The following MAS1 variants were observed in gnomAD, a reference collection of about 807,000 sequenced individuals.
MAS1 encodes the protein MAS1 proto-oncogene, G protein-coupled receptor, also known as proto-oncogene Mas.
For synonymous variants in MAS1, 163 were observed against 164.2 expected, an observed-to-expected ratio of 0.99 and a Z score of 0.05; for missense variants, 387 against 409.7, an observed-to-expected ratio of 0.94 and a Z score of 0.48.
chr6:159,895,582 ACAAT>A (rs1782746382), intron 1 of MAS1, among the ~76,000 whole-genome samples: 1 of 152,248 alleles, frequency 6.6e-6, no homozygotes, highest in African/African-American at 2.4e-5. Flanking sequence ...GTATGAAAAA[ACAAT>A]CCATCAAAAA....
rs369310126 is a variant in MAS1, at chr6:159,916,695, C to A, written c.*8762C>A. On this transcript the variant is annotated 3_prime_UTR_variant, in exon 3 of 3. Coordinates refer to ENST00000674077, the MANE Select transcript of MAS1 (RefSeq NM_002377.4). ...CTGTTGCCAGTGAGAGGCAAAGACA[C>A]GAGGCCAATTCAACAACCCACCTCA... Among the ~76,000 whole-genome samples the A allele has an allele frequency of 2.0e-5, 3 of 152,144 alleles. No individual in the cohort carries two copies. Among genetic ancestry groups the A allele is most frequent in the Non-Finnish European group, 4.4e-5 (3 of 68,024 alleles).
chr6:159,916,846 G>A lies in MAS1; in HGVS notation c.*8913G>A, dbSNP rs1177079915. Among the ~76,000 whole-genome samples the A allele has an allele frequency of 6.6e-6, 1 of 152,258 alleles. No homozygotes were observed. The highest frequency in any genetic ancestry group is 1.5e-5 in the Non-Finnish European group (1 of 68,040). On this transcript the variant is annotated 3_prime_UTR_variant, in exon 3 of 3. Coordinates refer to ENST00000674077, the MANE Select transcript of MAS1 (RefSeq NM_002377.4). ...GTGCTGCAATGACAACTCTGTGGGT[G>A]TGTGAAAGCAGACACTGCTTAGATG...
At chr6:159,895,634 C>T (rs1782747011) in intron 1 of MAS1, among the ~76,000 whole-genome samples, 1 of 152,180 alleles carries the variant, frequency 6.6e-6, no homozygotes, top group African/African-American at 2.4e-5. Context: ...TGTCCAACCT[C>T]ATTAGGAATC....
chr6:159,896,241 G>T (rs2115108907), intron 1 of MAS1, among the ~76,000 whole-genome samples: 1 of 152,306 alleles, frequency 6.6e-6, no homozygotes, highest in African/African-American at 2.4e-5. Flanking sequence ...GCTGCAGTGA[G>T]CTGTGATCTC....
intron 2 of MAS1, among the ~76,000 whole-genome samples, chr6:159,902,773 C>T (rs895319283): frequency 2.0e-5 from 3 of 152,166 alleles, no homozygotes; most frequent in African/African-American, 7.2e-5. Context: ...GCCACTGTAT[C>T]GCCTCCCACC....
rs1236818613 is a variant in MAS1 at position 159,909,256 on chromosome 6, G to A, written c.*1323G>A. The A allele has an allele frequency of 6.6e-6, 1 of 152,140 alleles. No homozygotes were observed. Among genetic ancestry groups the A allele is most frequent in the Non-Finnish European group, 1.5e-5 (1 of 68,036 alleles). The allele number at this position is 152,140 out of a possible 1,614,324, so 9.4% of individuals were successfully genotyped here. A position where few individuals can be genotyped will look rare whatever the true frequency, so the allele number is the denominator to read the frequency against. The stretch of plus-strand genomic sequence containing the variant: ...TAGGAGTTCCACAAAAGGGCAATAT[G>A]TCACATGATTCTACAGGTTGTAAAA... On this transcript the variant is annotated 3_prime_UTR_variant, in exon 3 of 3. Coordinates refer to ENST00000674077, the MANE Select transcript of MAS1 (RefSeq NM_002377.4).
At chr6:159,890,696 T>C (rs1387656123), upstream of MAS1, among the ~76,000 whole-genome samples, 2 of 152,214 alleles carry the variant, frequency 1.3e-5, no homozygotes, top group Non-Finnish European at 2.9e-5. Flanking sequence ...CATAACTTAT[T>C]AGAAACTGAG....
chr6:159,895,141 C>T (rs1479932390), intron 1 of MAS1, among the ~76,000 whole-genome samples: 1 of 152,198 alleles, frequency 6.6e-6, no homozygotes, highest in Non-Finnish European at 1.5e-5. Flanking sequence ...GGTGTGTGAA[C>T]TTCACACATA....
At chr6:159,902,826 A>G (rs220728) in intron 2 of MAS1, among the ~76,000 whole-genome samples, 59,542 of 151,746 alleles carry the variant, frequency 0.39, 12,408 homozygotes, top group East Asian at 0.8. Flanking sequence ...TGCTGTCCCA[A>G]ATTCCTTGAC....
rs1225735667 is a variant in MAS1, at chr6:159,913,752, G to A, written c.*5819G>A. ...ATTTGCTTAAAATTATTGGCATGTTGTTGAAATTATAATGAGTTTTAGTAA... is the reference window on the plus strand; with the variant it reads ...ATTTGCTTAAAATTATTGGCATGTTATTGAAATTATAATGAGTTTTAGTAA... On this transcript the variant is annotated 3_prime_UTR_variant, in exon 3 of 3. Transcript: ENST00000674077. The A allele has an allele frequency of 6.6e-6, 1 of 152,158 alleles. No individual in the cohort carries two copies. Among genetic ancestry groups the A allele is most frequent in the African/African-American group, 2.4e-5 (1 of 41,432 alleles). The allele number at this position is 152,158 out of a possible 1,614,324, so 9.4% of individuals were successfully genotyped here.
At chr6:159,904,505 G>A (rs1430554933) in intron 2 of MAS1, among the ~76,000 whole-genome samples, 2 of 152,036 alleles carry the variant, frequency 1.3e-5, no homozygotes, top group South Asian at 2.1e-4. Flanking sequence ...GAATCAAATC[G>A]AAGACCTCCC....
chr6:159,916,910 A>G lies in MAS1; in HGVS notation c.*8977A>G, dbSNP rs919008983. Among the ~76,000 whole-genome samples, 1 of 152,272 alleles carries G rather than the reference A, an allele frequency of 6.6e-6. No homozygotes were observed. The highest frequency in any genetic ancestry group is 2.4e-5 in the African/African-American group (1 of 41,464). ...GCACGCCAACAAATTCATTATGGACACTAAAAATTGAATTTCATGTAATTT... is the reference window on the plus strand; with the variant it reads ...GCACGCCAACAAATTCATTATGGACGCTAAAAATTGAATTTCATGTAATTT... On this transcript the variant is annotated 3_prime_UTR_variant, in exon 3 of 3. Transcript: ENST00000674077.
In MAS1 at chr6:159,907,915, A is replaced by C; in HGVS notation, c.960A>C (p.Thr320=). The change falls in exon 3 of 3, where the codon ACA becomes ACC. Residue 320 remains threonine, a synonymous_variant. Coordinates refer to ENST00000674077, the MANE Select transcript of MAS1 (RefSeq NM_002377.4). ...AGAAAGACAATTGTAATACGGTCAC[A>C]GTTGAGACTGTCGTCTAAGAACTGT... ...RRQKDNCNTV[T]VETVV 6.3e-7 allele frequency: 1 copy of C among 1,599,472 alleles called. No homozygotes were observed. Among genetic ancestry groups the C allele is most frequent in the South Asian group, 1.1e-5 (1 of 88,692 alleles).
In MAS1 at chr6:159,914,662, G is replaced by A. The variant is rs1783000720; in HGVS notation, c.*6729G>A. The A allele has an allele frequency of 1.3e-5, 2 of 152,404 alleles. No homozygotes were observed. Among genetic ancestry groups the A allele is most frequent in the South Asian group, 4.1e-4 (2 of 4,826 alleles). The allele number at this position is 152,404 out of a possible 1,614,324, so 9.4% of individuals were successfully genotyped here. A position where few individuals can be genotyped will look rare whatever the true frequency, so the allele number is the denominator to read the frequency against. The stretch of plus-strand genomic sequence containing the variant: ...TGTGCCAGCCAGTCCCTTCACCATG[G>A]TGTCCCCACTGATCAGAGCTCAGAG... On this transcript the variant is annotated 3_prime_UTR_variant, in exon 3 of 3. Transcript: ENST00000674077.
At position 159,907,716 on chromosome 6, in the gene MAS1, A is replaced by C. The variant is rs769799252; in HGVS notation, c.761A>C (p.Tyr254Ser). 1 of 1,613,442 alleles carries C rather than the reference A, an allele frequency of 6.2e-7. No individual in the cohort carries two copies. Among genetic ancestry groups the C allele is most frequent in the Middle Eastern group, 1.6e-4 (1 of 6,062 alleles). The change falls in exon 3 of 3, where the codon TAT (tyrosine) becomes TCT (serine). Residue 254 changes from tyrosine to serine, a missense_variant. Physicochemically the swap from Tyr to Ser is moderately radical, Grantham distance 144 (BLOSUM62 -2). Coordinates refer to ENST00000674077, the MANE Select transcript of MAS1 (RefSeq NM_002377.4). ...CTCCTTTACCTGCTGTACTATGAGT[A>C]TTGGTCGACCTTTGGGAACCTACAC... ...MRLLYLLYYE[Y>S]WSTFGNLHHI...
intron 1 of MAS1, among the ~76,000 whole-genome samples, chr6:159,894,259 A>G (rs1370164364): frequency 6.6e-6 from 1 of 152,026 alleles, no homozygotes; most frequent in East Asian, 1.9e-4. Context: ...TCTACTAAAA[A>G]TACCAAAAAA....
In MAS1 at chr6:159,908,157, G is replaced by A. The variant is rs2115119946; in HGVS notation, c.*224G>A. 1 of 427,916 alleles carries A rather than the reference G, an allele frequency of 2.3e-6. No individual in the cohort carries two copies. Among genetic ancestry groups the A allele is most frequent in the East Asian group, 3.7e-5 (1 of 27,314 alleles). 26.5% of individuals were successfully genotyped at this position (427,916 alleles called of 1,614,324 possible). The stretch of plus-strand genomic sequence containing the variant: ...AGACTCTATTTCTTTCAGCTCTTTT[G>A]GCAGCATCTTACCATGAACCATAAA... On this transcript the variant is annotated 3_prime_UTR_variant, in exon 3 of 3. Transcript: ENST00000674077.
At position 159,907,013 on chromosome 6, in the gene MAS1, G is replaced by A. The variant is rs757715611; in HGVS notation, c.58G>A (p.Gly20Ser). Reference sequence around the variant, plus strand: ...TGAGGAACCCACGAACATCTCAACTGGCAGGAACGCCTCAGTCGGGAATGC... The same window carrying A: ...TGAGGAACCCACGAACATCTCAACTAGCAGGAACGCCTCAGTCGGGAATGC... ...VVEEPTNIST[G>S]RNASVGNAHR... The change falls in exon 3 of 3, where the codon GGC (glycine) becomes AGC (serine). Residue 20 changes from glycine (G) to serine (S), a missense_variant. Physicochemically the swap from Gly to Ser is moderately conservative, Grantham distance 56 (BLOSUM62 0). Transcript: ENST00000674077. 1 of 1,613,360 alleles carries A rather than the reference G, an allele frequency of 6.2e-7. No individual in the cohort carries two copies. The highest frequency in any genetic ancestry group is 1.7e-5 in the Admixed American group (1 of 60,016).
At position 159,914,911 on chromosome 6, in the gene MAS1, T is replaced by C. The variant is rs1309526517; in HGVS notation, c.*6978T>C. 1 of 152,258 alleles carries C rather than the reference T, an allele frequency of 6.6e-6. No homozygotes were observed. The highest frequency in any genetic ancestry group is 6.5e-5 in the Admixed American group (1 of 15,276). 9.4% of individuals were successfully genotyped at this position (152,258 alleles called of 1,614,324 possible). On this transcript the variant is annotated 3_prime_UTR_variant, in exon 3 of 3. Coordinates refer to ENST00000674077, the MANE Select transcript of MAS1 (RefSeq NM_002377.4). Reference sequence around the variant, plus strand: ...TAGAGACATTCTCTGAGTGACACTATGCCAGCTGGGAGTGGTGGCACAGTC... The same window carrying C: ...TAGAGACATTCTCTGAGTGACACTACGCCAGCTGGGAGTGGTGGCACAGTC...
Sources: gnomAD v4.1 joint callset for allele counts (sites outside exome capture counted in the v4.1 genomes callset) on GRCh38, gnomAD v4.1.1 for gene constraint, MANE v1.5 for transcripts, NCBI Gene and HGNC (gene_info 2026-07-23, HGNC 2026-07-21) for gene names.